Variants in MISFA observed in about 807,000 individuals in gnomAD.
The protein encoded by MISFA is mitochondrial sheath formation-associated protein.
chr11:18,604,010 T>C, the MISFA span: 1 of 273,738 alleles, frequency 3.7e-6, no homozygotes, highest in Non-Finnish European at 6.3e-6. Flanking sequence ...CACTGCAAGC[T>C]CCGCCTCCCG....
chr11:18,608,753 G>A, the MISFA span: 2 of 152,608 alleles, frequency 1.3e-5, no homozygotes, highest in East Asian at 1.9e-4. Flanking sequence ...GTAAAATAAC[G>A]ATAACAGGGA....
At chr11:18,607,027 A>AT in the MISFA span, 1 of 250,910 alleles carries the variant, frequency 4.0e-6, no homozygotes, top group East Asian at 1.7e-4. Flanking sequence ...CACCCGGCTA[A>AT]TTTTTTTATT....
At chr11:18,608,116 G>A in the MISFA span, 1 of 152,552 alleles carries the variant, frequency 6.6e-6, no homozygotes, top group Non-Finnish European at 1.5e-5. Flanking sequence ...TTTCACTGAA[G>A]GTATCTGAAA....
At chr11:18,600,367 C>T in the MISFA span, among the ~76,000 whole-genome samples, 2 of 151,218 alleles carry the variant, frequency 1.3e-5, no homozygotes, top group Non-Finnish European at 2.9e-5. Context: ...CCACGCCTGG[C>T]GAATTTTGTG....
the MISFA span, chr11:18,606,660 A>G: frequency 1.5e-5 from 6 of 391,186 alleles, no homozygotes; most frequent in African/African-American, 2.2e-5. Flanking sequence ...GAAAATAAAT[A>G]GTAGTCTAAT....
the MISFA span, chr11:18,608,757 A>G: frequency 6.6e-6 from 1 of 152,620 alleles, no homozygotes; most frequent in Non-Finnish European, 1.5e-5. Flanking sequence ...AATAACGATA[A>G]CAGGGAACAT....
chr11:18,599,918 T>C, the MISFA span: 1 of 399,054 alleles, frequency 2.5e-6, no homozygotes, highest in Non-Finnish European at 4.4e-6. Flanking sequence ...GAAATTGTTT[T>C]ACGTTTGATC....
chr11:18,603,917 CTTTTTTTT>C, the MISFA span: 15 of 52,990 alleles, frequency 2.8e-4, no homozygotes, highest in East Asian at 2.0e-3. Context: ...AGTTACCGCA[CTTTTTTTT>C]TTTTTTTTTT....
At chr11:18,604,173 G>A in the MISFA span, among the ~76,000 whole-genome samples, 47 of 151,906 alleles carry the variant, frequency 3.1e-4, no homozygotes, top group Non-Finnish European at 5.6e-4. Context: ...TGATCTGCCC[G>A]CCTCGGCCTC....
the MISFA span, chr11:18,606,764 T>C: frequency 2.6e-6 from 1 of 389,400 alleles, no homozygotes; most frequent in African/African-American, 2.2e-5. Flanking sequence ...ATCTCAGAAA[T>C]TTACCAATAG....
At chr11:18,606,583 C>G in the MISFA span, 2 of 299,410 alleles carry the variant, frequency 6.7e-6, no homozygotes, top group Non-Finnish European at 6.4e-6. Flanking sequence ...TTTAATTACT[C>G]CAAAGAAATC....
chr11:18,604,589 C>T, the MISFA span, among the ~76,000 whole-genome samples: 12 of 151,380 alleles, frequency 7.9e-5, no homozygotes, highest in Non-Finnish European at 1.2e-4. Flanking sequence ...AGATCGGCCA[C>T]TGCACTCCAG....
chr11:18,602,203 T>G, the MISFA span: 2 of 152,222 alleles, frequency 1.3e-5, no homozygotes, highest in Non-Finnish European at 2.9e-5. Context: ...TTCACCCCAT[T>G]TCATTCAGAC....
chr11:18,605,041 G>A, the MISFA span, among the ~76,000 whole-genome samples: 7 of 152,082 alleles, frequency 4.6e-5, no homozygotes, highest in East Asian at 1.9e-4. Flanking sequence ...TCAGGAGTTC[G>A]AGACCCGCTT....
At chr11:18,604,879 G>T in the MISFA span, among the ~76,000 whole-genome samples, 1 of 152,108 alleles carries the variant, frequency 6.6e-6, no homozygotes, top group Non-Finnish European at 1.5e-5. Context: ...ATGTGCCAAG[G>T]AAAAGAGCCA....
the MISFA span, chr11:18,607,393 C>A: frequency 6.6e-6 from 1 of 152,544 alleles, no homozygotes; most frequent in Admixed American, 6.5e-5. Context: ...AAACTACTTT[C>A]CTTTCACATC....
the MISFA span, among the ~76,000 whole-genome samples, chr11:18,603,368 T>C: frequency 4.1e-3 from 621 of 152,314 alleles, 8 homozygotes; most frequent in African/African-American, 0.014. Context: ...CACGTGATCT[T>C]TAAGGCCCAG....
chr11:18,603,917 CTTTTTTT>C, the MISFA span: 11 of 52,986 alleles, frequency 2.1e-4, no homozygotes, highest in Admixed American at 7.4e-4. Flanking sequence ...AGTTACCGCA[CTTTTTTT>C]TTTTTTTTTT....
At chr11:18,604,674 G>A in the MISFA span, among the ~76,000 whole-genome samples, 1 of 151,644 alleles carries the variant, frequency 6.6e-6, no homozygotes, top group Admixed American at 6.6e-5. Flanking sequence ...TGTGGGGTAA[G>A]AAACTCATTT....
Sources: allele counts gnomAD v4.1 joint callset (sites outside exome capture counted in the v4.1 genomes callset), GRCh38; gene constraint gnomAD v4.1.1; transcripts MANE v1.5; gene names NCBI Gene and HGNC (gene_info 2026-07-23, HGNC 2026-07-21).